USH2A: variants seen among roughly 807,000 people sequenced by gnomAD.
The protein encoded by USH2A is usherin, also known as Usher syndrome 2A (autosomal recessive, mild).
Under a neutral mutation model 538.9 loss-of-function variants are expected in USH2A, and 443 were observed. The observed-to-expected ratio is 0.82, with a 90% CI of 0.76 to 0.89. The LOEUF is 0.89. Among genes scored for constraint, USH2A ranks in the 40% least tolerant of loss-of-function variants. The pLI is 0.00. For synonymous variants in USH2A, 2,413 were observed against 2,273.5 expected, an observed-to-expected ratio of 1.06 and a Z score of -1.75; for missense variants, 6,633 against 6,324.8, an observed-to-expected ratio of 1.05 and a Z score of -1.65.
At chr1:216,232,884 A>G (rs752187167) in intron 13 of USH2A, among the ~76,000 whole-genome samples, 4 of 152,194 alleles carry the variant, frequency 2.6e-5, no homozygotes, top group Non-Finnish European at 5.9e-5. Flanking sequence ...TTATTATTAC[A>G]TCTATTCTGT....
At chr1:215,870,971 G>GA (rs1664610878) in intron 43 of USH2A, among the ~76,000 whole-genome samples, 1 of 152,008 alleles carries the variant, frequency 6.6e-6, no homozygotes, top group South Asian at 2.1e-4. Context: ...TGTTCTCTAG[G>GA]CATGTCTTGA....
chr1:215,750,723 G>A (rs1352002492), intron 58 of USH2A, among the ~76,000 whole-genome samples: 1 of 152,092 alleles, frequency 6.6e-6, no homozygotes, highest in Non-Finnish European at 1.5e-5. Flanking sequence ...GTCAGACTTG[G>A]ACTCACACCC....
intron 16 of USH2A, among the ~76,000 whole-genome samples, chr1:216,206,922 T>C (rs2035125400): frequency 6.6e-6 from 1 of 152,192 alleles, no homozygotes; most frequent in Non-Finnish European, 1.5e-5. Context: ...AAAGATTTTT[T>C]CATAGATTTT....
intron 55 of USH2A, among the ~76,000 whole-genome samples, chr1:215,771,927 T>G (rs1401739600): frequency 6.6e-6 from 1 of 152,158 alleles, no homozygotes; most frequent in East Asian, 1.9e-4. Context: ...ATATTCTATC[T>G]TTTAGTTTTT....
intron 15 of USH2A, among the ~76,000 whole-genome samples, 191 bp from the exon 16 acceptor site, chr1:216,207,622 A>G (rs1042980832): frequency 6.6e-6 from 1 of 152,182 alleles, no homozygotes; most frequent in African/African-American, 2.4e-5. Context: ...ATCTATAAGC[A>G]TAAAAAAACT....
chr1:215,767,574 T>C (rs1313023889), intron 55 of USH2A, among the ~76,000 whole-genome samples: 1 of 152,180 alleles, frequency 6.6e-6, no homozygotes, highest in Non-Finnish European at 1.5e-5. Flanking sequence ...TGATGCAGTA[T>C]GGTAATTGTT....
At chr1:216,298,607 C>A (rs1331874603) in intron 9 of USH2A, among the ~76,000 whole-genome samples, 2 of 152,102 alleles carry the variant, frequency 1.3e-5, no homozygotes, top group Non-Finnish European at 2.9e-5. Flanking sequence ...AAAAACCCTG[C>A]AGATATATGG....
intron 24 of USH2A, 81 bp downstream of exon 24, chr1:216,086,638 C>T: frequency 8.5e-7 from 1 of 1,175,232 alleles, no homozygotes; most frequent in Non-Finnish European, 1.2e-6. Flanking sequence ...GAACATAATA[C>T]TTATTCTTAC....
At position 215,888,817 on chromosome 1, in the gene USH2A, G is replaced by A. The variant is rs1283222061; in HGVS notation, c.7832C>T (p.Ser2611Leu). Residue 2611 changes from serine (S) to leucine (L), a missense_variant, in exon 41 of 72, where the codon TCA becomes TTA. Physicochemically the swap from Ser to Leu is moderately radical, Grantham distance 145 (BLOSUM62 -2). Transcript: ENST00000307340. ...EACTSKGCSL[S>L]PESQTVWTLP... ...TGTCCATACAGTCTGGGACTCTGGTGAAAGGGAACATCCTTTTGAAGTGCA... is the reference window on the plus strand; with the variant it reads ...TGTCCATACAGTCTGGGACTCTGGTAAAAGGGAACATCCTTTTGAAGTGCA... The A allele has an allele frequency of 1.9e-6, 3 of 1,614,146 alleles. No individual in the cohort carries two copies. In the Admixed American group the frequency reaches 5.0e-5, roughly 27 times the overall value.
intron 61 of USH2A, among the ~76,000 whole-genome samples, chr1:215,712,119 C>G (rs183457388): frequency 1.3e-5 from 2 of 152,104 alleles, no homozygotes; most frequent in African/African-American, 4.8e-5. Context: ...AGGCCTTTAG[C>G]GACTCCCAAC....
At chr1:215,898,873 TG>T (rs1329460425) in intron 40 of USH2A, among the ~76,000 whole-genome samples, 2 of 152,224 alleles carry the variant, frequency 1.3e-5, no homozygotes, top group Admixed American at 6.5e-5. Context: ...TTCTGGACTT[TG>T]GGTGCCATTT....
At chr1:216,319,314 A>G (rs2037565016) in intron 9 of USH2A, among the ~76,000 whole-genome samples, 2 of 152,198 alleles carry the variant, frequency 1.3e-5, no homozygotes, top group African/African-American at 4.8e-5. Context: ...ATTGGCAAAA[A>G]TTTAAACACA....
intron 21 of USH2A, among the ~76,000 whole-genome samples, chr1:216,111,219 A>C (rs1182382633): frequency 6.6e-6 from 1 of 152,204 alleles, no homozygotes; most frequent in Non-Finnish European, 1.5e-5. Context: ...TGACTGAGTG[A>C]GACTCCATCT....
At chr1:216,382,710 A>C (rs1228518939) in intron 3 of USH2A, among the ~76,000 whole-genome samples, 1 of 152,086 alleles carries the variant, frequency 6.6e-6, no homozygotes, top group African/African-American at 2.4e-5. Flanking sequence ...GCATAGTGTT[A>C]AGCAAGGAAC....
intron 61 of USH2A, among the ~76,000 whole-genome samples, chr1:215,700,530 T>C (rs191086744): frequency 2.7e-3 from 404 of 152,298 alleles, no homozygotes; most frequent in African/African-American, 9.5e-3. Flanking sequence ...CCTGGTTTAG[T>C]CTTGGGAGGG....
intron 38 of USH2A, 191 bp from the exon 39 acceptor site, chr1:215,901,096 C>T (rs971666248): frequency 2.8e-6 from 2 of 710,280 alleles, no homozygotes; most frequent in East Asian, 5.6e-5. Context: ...AACACAATTA[C>T]ATTAGTATTT....
chr1:216,408,348 G>A (rs1249659304), intron 3 of USH2A, among the ~76,000 whole-genome samples: 6 of 152,052 alleles, frequency 3.9e-5, no homozygotes, highest in Non-Finnish European at 7.4e-5. Context: ...CATATATTGC[G>A]CATACAGTAG....
intron 19 of USH2A, among the ~76,000 whole-genome samples, chr1:216,192,952 A>T (rs1324271389): frequency 1.3e-5 from 2 of 152,122 alleles, no homozygotes; most frequent in African/African-American, 2.4e-5. Context: ...TTCCCATTTC[A>T]CAGATGAATA....
In USH2A at chr1:216,190,296, C is replaced by T. The variant is rs1330462824; in HGVS notation, c.4323G>A (p.Glu1441=). Residue 1441 remains glutamate (E), a synonymous_variant, in exon 20 of 72, where the codon GAG becomes GAA. Coordinates refer to ENST00000307340, the MANE Select transcript of USH2A (RefSeq NM_206933.4). ...VEGLKPYRIY[E]FTITLCNSVG... is the part of the protein sequence containing the mutation. ...CTGAATTGCAGAGAGTAATAGTAAA[C>T]TCATATATCCTATAAGGTTTCAGTC... The T allele has an allele frequency of 1.9e-6, 3 of 1,612,456 alleles. No homozygotes were observed. The South Asian group carries it at 3.3e-5, about 18-fold the overall frequency.
Sources: gnomAD v4.1 joint callset for allele counts (sites outside exome capture counted in the v4.1 genomes callset) on GRCh38, gnomAD v4.1.1 for gene constraint, MANE v1.5 for transcripts, NCBI Gene and HGNC (gene_info 2026-07-23, HGNC 2026-07-21) for gene names.